TMEM218: variants seen among roughly 807,000 people sequenced by gnomAD.
TMEM218 encodes transmembrane protein 218.
A neutral mutation model predicts 10.0 loss-of-function variants in TMEM218; 8 were observed. The ratio of observed to expected loss-of-function variants is 0.80; its 90% CI spans 0.47 to 1.44. The LOEUF is 1.44. Ranked by LOEUF, TMEM218 falls within the 40% of genes most tolerant of loss-of-function variation. The pLI is 0.00. For missense variants in TMEM218, 110 were observed against 140.1 expected, an observed-to-expected ratio of 0.79 and a Z score of 1.08; for synonymous variants, 66 against 63.5, an observed-to-expected ratio of 1.04 and a Z score of -0.18.
At chr11:125,109,754 G>C (rs1048217266) in intron 1 of TMEM218, among the ~76,000 whole-genome samples, 1 of 152,174 alleles carries the variant, frequency 6.6e-6, no homozygotes, top group Admixed American at 6.5e-5. Context: ...TGAGCTGATG[G>C]TACTGCTCTT....
chr11:125,101,117 G>T, intron 4 of TMEM218, 84 bp downstream of exon 4: 1 of 1,103,080 alleles, frequency 9.1e-7, no homozygotes, highest in East Asian at 2.5e-5. Context: ...CCGATGTCAG[G>T]GAACATCAAG....
rs551170660 is a variant in TMEM218, at chr11:125,096,343, C to T, written c.*1263G>A. 3.3e-5 allele frequency among the ~76,000 whole-genome samples: 5 copies of T among 152,210 alleles called. No homozygotes were observed. Among genetic ancestry groups the T allele is most frequent in the Non-Finnish European group, 5.9e-5 (4 of 68,004 alleles). On this transcript the variant is annotated 3_prime_UTR_variant, in exon 5 of 5. Transcript: ENST00000682305. Reference sequence around the variant, plus strand: ...GAGAGAAAGTGAAGGAACAGTGTGGCCTTAACCTACCTGAAGCTCTCAATC... The same window carrying T: ...GAGAGAAAGTGAAGGAACAGTGTGGTCTTAACCTACCTGAAGCTCTCAATC...
intron 4 of TMEM218, 26 bp from the exon 5 acceptor site, chr11:125,097,766 A>G: frequency 1.2e-6 from 2 of 1,609,706 alleles, no homozygotes; most frequent in Non-Finnish European, 1.7e-6. Context: ...ATCAAAATGA[A>G]ATTACTACCA....
intron 2 of TMEM218, chr11:125,102,522 C>A (rs763329143): frequency 7.0e-7 from 1 of 1,435,692 alleles, no homozygotes; most frequent in East Asian, 3.0e-5. Flanking sequence ...TTCCGCTCTG[C>A]GCTCAGAAGT....
At chr11:125,101,460 CCTT>C (rs1213375758) in intron 3 of TMEM218, 157 bp from the exon 4 acceptor site, 1 of 1,531,430 alleles carries the variant, frequency 6.5e-7, no homozygotes, top group Non-Finnish European at 8.7e-7. Flanking sequence ...ATCCCAAAGT[CCTT>C]CTTCCTAGAC....
chr11:125,099,275 T>G (rs542494664), intron 4 of TMEM218, among the ~76,000 whole-genome samples: 1 of 152,342 alleles, frequency 6.6e-6, no homozygotes, highest in Non-Finnish European at 1.5e-5. Context: ...GCTCCGGTAC[T>G]GAACAAGTCT....
At position 125,094,862 on chromosome 11, in the gene TMEM218, A is replaced by G. The variant is rs1197554713; in HGVS notation, c.*2744T>C. Among the ~76,000 whole-genome samples the G allele has an allele frequency of 4.6e-5, 7 of 152,208 alleles. No homozygotes were observed. The highest frequency in any genetic ancestry group is 8.8e-5 in the Non-Finnish European group (6 of 68,034). On this transcript the variant is annotated 3_prime_UTR_variant, in exon 5 of 5. Coordinates refer to ENST00000682305, the MANE Select transcript of TMEM218 (RefSeq NM_001258244.2). ...AGACACCTTACAGCCTAGTTCTTCC[A>G]TGGGCTTACTCCACCAGGACTAGTG... is the stretch of plus-strand genomic sequence containing the variant.
intron 1 of TMEM218, among the ~76,000 whole-genome samples, chr11:125,111,136 CTG>C (rs1163875897): frequency 1.3e-5 from 2 of 152,166 alleles, no homozygotes; most frequent in Non-Finnish European, 2.9e-5. Context: ...TATCCGCTCT[CTG>C]GATCTCACAG....
chr11:125,107,023 A>G (rs1173048435), intron 1 of TMEM218, among the ~76,000 whole-genome samples: 1 of 152,222 alleles, frequency 6.6e-6, no homozygotes, highest in African/African-American at 2.4e-5. Context: ...AAGCAATGAG[A>G]AAGAACACAC....
rs1392105924 is a variant in TMEM218 at position 125,096,814 on chromosome 11, G to A, written c.*792C>T. 6.6e-6 allele frequency: 1 copy of A among 152,034 alleles called. No homozygotes were observed. Among genetic ancestry groups the A allele is most frequent in the South Asian group, 2.1e-4 (1 of 4,818 alleles). 9.4% of individuals were successfully genotyped at this position (152,034 alleles called of 1,614,324 possible). ...ACCTTCCTCACTAGCTTTGGAGAAA[G>A]GGCTACAAAGATGAAAAGTGAAGAC... is the stretch of plus-strand genomic sequence containing the variant. On this transcript the variant is annotated 3_prime_UTR_variant, in exon 5 of 5. Transcript: ENST00000682305.
At chr11:125,111,504 T>C (rs11219905) in intron 1 of TMEM218, 35 bp downstream of exon 1, 26,039 of 152,564 alleles carry the variant, frequency 0.17, 2,965 homozygotes, top group East Asian at 0.59. Context: ...CCCTCCACTT[T>C]TCTCCCTTCC....
chr11:125,102,509 GT>G, intron 2 of TMEM218, 192 bp from the exon 3 acceptor site: 1 of 1,452,302 alleles, frequency 6.9e-7, no homozygotes, highest in South Asian at 1.3e-5. Context: ...CTGAGAGGGT[GT>G]TTTCCGCTCT....
In TMEM218 at chr11:125,108,377, A is replaced by G. The variant is rs1363747449; in HGVS notation, c.-153+3162T>C. ...TCCAATAGGAAAAGAATAAAACTAG[A>G]TCTCTATATGATATACAGAAGTTGA... On this transcript the variant is annotated intron_variant, in intron 1 of 4. Coordinates refer to ENST00000682305, the MANE Select transcript of TMEM218 (RefSeq NM_001258244.2). This position sits in a 1 kb window ranked among gnomAD's most constrained non-coding sequence, Gnocchi z 5.3. Among the ~76,000 whole-genome samples the G allele has an allele frequency of 1.3e-5, 2 of 152,226 alleles. No individual in the cohort carries two copies. The highest frequency in any genetic ancestry group is 2.9e-5 in the Non-Finnish European group (2 of 68,038).
intron 4 of TMEM218, among the ~76,000 whole-genome samples, chr11:125,098,325 T>G (rs1950006434): frequency 6.6e-6 from 1 of 152,200 alleles, no homozygotes; most frequent in African/African-American, 2.4e-5. Flanking sequence ...GATAGGTAAC[T>G]TGCCCCAAAG....
Position 125,097,660 on chromosome 11 carries a change from A to G in TMEM218, c.294T>C (p.Val98=). Residue 98 remains valine, a synonymous_variant, in exon 5 of 5, where the codon GTT becomes GTC. Coordinates refer to ENST00000682305, the MANE Select transcript of TMEM218 (RefSeq NM_001258244.2). The part of the protein sequence containing the change: ...SAIFLGGLFL[V]LIHYVLEPIY... ...TCGGCTCCAGAACATAATGGATTAA[A>G]ACCAAGAAGAGGCCTCCAAGGAAGA... is the stretch of plus-strand genomic sequence containing the variant. 6.2e-7 allele frequency: 1 copy of G among 1,614,174 alleles called. No individual in the cohort carries two copies. Among genetic ancestry groups the G allele is most frequent in the Non-Finnish European group, 8.5e-7 (1 of 1,180,002 alleles).
chr11:125,102,506 G>A, intron 2 of TMEM218, 189 bp from the exon 3 acceptor site: 1 of 1,452,326 alleles, frequency 6.9e-7, no homozygotes, highest in Non-Finnish European at 9.1e-7. Flanking sequence ...GGACTGAGAG[G>A]GTGTTTTCCG....
rs1195347542 is a variant in TMEM218, at chr11:125,095,521, T to G, written c.*2085A>C. On this transcript the variant is annotated 3_prime_UTR_variant, in exon 5 of 5. Coordinates refer to ENST00000682305, the MANE Select transcript of TMEM218 (RefSeq NM_001258244.2). ...GCTTTTTTTGCATAACTGCATTGAG[T>G]ATGCAGGTAGAAAGAAATCTATCAT... 2.0e-5 allele frequency among the ~76,000 whole-genome samples: 3 copies of G among 152,182 alleles called. No homozygotes were observed. Among genetic ancestry groups the G allele is most frequent in the African/African-American group, 4.8e-5 (2 of 41,422 alleles).
At chr11:125,106,713 G>A (rs886290670) in intron 1 of TMEM218, among the ~76,000 whole-genome samples, 1 of 152,170 alleles carries the variant, frequency 6.6e-6, no homozygotes, top group Non-Finnish European at 1.5e-5. Context: ...GGAGTAACTG[G>A]AACCCTCATA....
rs1949586446 is a variant in TMEM218, at chr11:125,095,901, CAGA to C, written c.*1702_*1704del. 6.6e-6 allele frequency among the ~76,000 whole-genome samples: 1 copy of C among 152,142 alleles called. No homozygotes were observed. Among genetic ancestry groups the C allele is most frequent in the South Asian group, 2.1e-4 (1 of 4,818 alleles). On this transcript the variant is annotated 3_prime_UTR_variant, in exon 5 of 5. Coordinates refer to ENST00000682305, the MANE Select transcript of TMEM218 (RefSeq NM_001258244.2). ...AGAGTTACTTTTTTAGCAAGGCTCT[CAGA>C]AGAAGGTAACAATTGGCAGCTTGTG...
Sources: allele counts gnomAD v4.1 joint callset (sites outside exome capture counted in the v4.1 genomes callset), GRCh38; gene constraint gnomAD v4.1.1; non-coding constraint Gnocchi (gnomAD v3.1); transcripts MANE v1.5; gene names NCBI Gene and HGNC (gene_info 2026-07-23, HGNC 2026-07-21).